Variants in MYLK observed in about 807,000 individuals in gnomAD.
MYLK encodes the protein myosin light chain kinase.
In MYLK, 106 loss-of-function variants were observed where a neutral mutation model predicts 203.4. The ratio of observed to expected loss-of-function variants is 0.52; its 90% confidence interval spans 0.45 to 0.61. MYLK has a LOEUF of 0.61. Among genes scored for constraint, MYLK ranks in the 20% least tolerant of loss-of-function variants. MYLK has a pLI of 0.00. For missense variants in MYLK, 2,072 were observed against 2,442.3 expected, an observed-to-expected ratio of 0.85 and a Z score of 3.20; for synonymous variants, 867 against 959.5, an observed-to-expected ratio of 0.90 and a Z score of 1.78.
chr3:123,682,216 G>A lies in MYLK; in HGVS notation c.3652+8C>T. On this transcript the variant is annotated splice_region_variant and intron_variant, in intron 20 of 33. Transcript: ENST00000360304. ...GCCTCTGCCTGGTGAAGCTGGGCGA[G>A]TACTCACTCTCAGTTCCTAGCACGG... 1 of 1,594,046 alleles carries A rather than the reference G, an allele frequency of 6.3e-7. No individual in the cohort carries two copies. Among genetic ancestry groups the A allele is most frequent in the Non-Finnish European group, 8.5e-7 (1 of 1,169,608 alleles).
In MYLK at chr3:123,732,944, A is replaced by G. The variant is rs1267816965; in HGVS notation, c.1468T>C (p.Ser490Pro). 6.2e-7 allele frequency: 1 copy of G among 1,614,160 alleles called. No individual in the cohort carries two copies. The highest frequency in any genetic ancestry group is 1.7e-5 in the Admixed American group (1 of 60,022). The change falls in exon 11 of 34, where the codon TCC becomes CCC. Residue 490 changes from serine (S) to proline (P), a missense_variant. Around this residue, in one of 3 missense-constraint regions of MYLK, gnomAD observed 683 missense variants for 643.8 expected, o/e 1.06. Coordinates refer to ENST00000360304, the MANE Select transcript of MYLK (RefSeq NM_053025.4). ...CAGGACAGCTGGCCTTGGGCGTTGGAAGCAGTGCAGCTGTATGTCCCACTG... is the reference window on the plus strand; with the variant it reads ...CAGGACAGCTGGCCTTGGGCGTTGGGAGCAGTGCAGCTGTATGTCCCACTG... ...RDSGTYSCTASNAQGQLSCSW... is the reference protein window; with the variant it reads ...RDSGTYSCTAPNAQGQLSCSW...
intron 3 of MYLK, among the ~76,000 whole-genome samples, chr3:123,814,398 A>G (rs1380585458): frequency 6.6e-6 from 1 of 152,190 alleles, no homozygotes; most frequent in Non-Finnish European, 1.5e-5. Flanking sequence ...GACTCTTTAC[A>G]GGAATGTTGA....
At chr3:123,848,254 G>GAAA (rs11409032) in intron 2 of MYLK, among the ~76,000 whole-genome samples, 2 of 144,962 alleles carry the variant, frequency 1.4e-5, no homozygotes. Context: ...GTCTTATTTT[G>GAAA]AAAAAAAAAA....
intron 2 of MYLK, among the ~76,000 whole-genome samples, chr3:123,869,969 CT>C (rs1490219867): frequency 6.7e-6 from 1 of 150,252 alleles, no homozygotes; most frequent in African/African-American, 2.4e-5. Flanking sequence ...ATGGCTCTAT[CT>C]AGTCCACACT....
intron 24 of MYLK, 139 bp from the exon 25 acceptor site, chr3:123,649,333 C>T (rs2059130453): frequency 1.8e-6 from 2 of 1,106,806 alleles, no homozygotes; most frequent in Non-Finnish European, 1.3e-6. Context: ...CTCTGGGCAT[C>T]CCCTGGGGCT....
chr3:123,688,968 G>A (rs930104616), intron 19 of MYLK, among the ~76,000 whole-genome samples: 3 of 152,164 alleles, frequency 2.0e-5, no homozygotes, highest in Non-Finnish European at 4.4e-5. Context: ...CACTAGAAAA[G>A]TCCCAAAAGC....
At chr3:123,792,434 G>T (rs1362298281) in intron 4 of MYLK, among the ~76,000 whole-genome samples, 2 of 152,110 alleles carry the variant, frequency 1.3e-5, no homozygotes, top group Non-Finnish European at 2.9e-5. Flanking sequence ...CCTATCAGCA[G>T]CCACTCCCCA....
chr3:123,683,630 CT>C, intron 19 of MYLK, among the ~76,000 whole-genome samples: 1 of 152,164 alleles, frequency 6.6e-6, no homozygotes, highest in African/African-American at 2.4e-5. Context: ...TAGTGCCTGC[CT>C]CCTCTCTGCT....
chr3:123,682,239 C>G lies in MYLK; in HGVS notation c.3637G>C (p.Val1213Leu), dbSNP rs368390254. 214 of 1,601,308 alleles carry G rather than the reference C, an allele frequency of 1.3e-4. No individual in the cohort carries two copies. The highest frequency in any genetic ancestry group is 1.8e-4 in the Non-Finnish European group (207 of 1,174,196). The change falls in exon 20 of 34, where the codon GTG becomes CTG. Residue 1213 changes from valine to leucine, a missense_variant. Coordinates refer to ENST00000360304, the MANE Select transcript of MYLK (RefSeq NM_053025.4). ...SRRPKSSLPP[V>L]LGTESDATVK... The stretch of plus-strand genomic sequence containing the variant: ...GAGTACTCACTCTCAGTTCCTAGCA[C>G]GGGAGGAAGAGAGCTCTTGGGCCTC...
chr3:123,839,600 G>T (rs988058908), intron 2 of MYLK, among the ~76,000 whole-genome samples: 2 of 152,110 alleles, frequency 1.3e-5, no homozygotes, highest in Non-Finnish European at 2.9e-5. Context: ...AGGAAAATCC[G>T]CAATTGTAGT....
intron 3 of MYLK, among the ~76,000 whole-genome samples, chr3:123,805,173 C>T (rs191654356): frequency 9.8e-4 from 149 of 152,244 alleles, no homozygotes; most frequent in African/African-American, 3.4e-3. Flanking sequence ...CAAATCCTTC[C>T]CCGTGTGACA....
intron 4 of MYLK, among the ~76,000 whole-genome samples, chr3:123,788,063 G>A (rs561636721): frequency 1.3e-5 from 2 of 152,262 alleles, no homozygotes; most frequent in Middle Eastern, 3.4e-3. Context: ...AACCATCCAA[G>A]GTTCCAGCGT....
intron 23 of MYLK, among the ~76,000 whole-genome samples, chr3:123,663,363 G>A (rs1415754459): frequency 6.6e-6 from 1 of 152,178 alleles, no homozygotes; most frequent in South Asian, 2.1e-4. Context: ...GGAGGTCATG[G>A]TGACCTCAGA....
At chr3:123,647,182 G>A in intron 27 of MYLK, 42 bp downstream of exon 27, 2 of 1,593,346 alleles carry the variant, frequency 1.3e-6, no homozygotes, top group South Asian at 1.1e-5. Context: ...CACGTTTGGG[G>A]GCTCCCTGTG....
At position 123,718,617 on chromosome 3, in the gene MYLK, T is replaced by C. The variant is rs545258597; in HGVS notation, c.1804+3511A>G. On this transcript the variant is annotated intron_variant, in intron 13 of 33. Transcript: ENST00000360304. ...CCTTGCACTTGCTGTGCTGCCCACC[T>C]AGAGCTCTCTTTCCCCAGGCCATGG... Among the ~76,000 whole-genome samples, 11 of 152,302 alleles carry C rather than the reference T, an allele frequency of 7.2e-5. No individual in the cohort carries two copies. In the South Asian group the frequency reaches 2.1e-3, roughly 29 times the overall value.
chr3:123,645,468 G>T (rs1470233327), intron 27 of MYLK, among the ~76,000 whole-genome samples: 1 of 152,170 alleles, frequency 6.6e-6, no homozygotes, highest in Non-Finnish European at 1.5e-5. Flanking sequence ...AACTTTCCTG[G>T]GAGAGAATTC....
chr3:123,620,166 CCTTT>C (rs760272590), intron 32 of MYLK, 37 bp downstream of exon 32: 27 of 1,566,914 alleles, frequency 1.7e-5, no homozygotes, highest in Non-Finnish European at 2.4e-5. Flanking sequence ...GTTCCCCAGC[CCTTT>C]CTTTCTCACC....
intron 2 of MYLK, among the ~76,000 whole-genome samples, chr3:123,857,155 T>C (rs1167940520): frequency 1.3e-5 from 2 of 151,928 alleles, no homozygotes; most frequent in Non-Finnish European, 2.9e-5. Flanking sequence ...CAACAGGTGC[T>C]GGAGAGGATG....
rs1281289990 is a variant in MYLK, at chr3:123,682,321, A to G, written c.3566-11T>C. The G allele has an allele frequency of 1.9e-6, 3 of 1,581,920 alleles. No individual in the cohort carries two copies. The highest frequency in any genetic ancestry group is 2.6e-6 in the Non-Finnish European group (3 of 1,160,548). ...CACTGGCTGGAGCATCTGGAATGAA[A>G]CAGGTAACAATAAATGTTAGCAGCT... is the stretch of plus-strand genomic sequence containing the variant. On this transcript the variant is annotated splice_polypyrimidine_tract_variant and intron_variant, in intron 19 of 33. Coordinates refer to ENST00000360304, the MANE Select transcript of MYLK (RefSeq NM_053025.4).
Sources: gnomAD v4.1 joint callset for allele counts (sites outside exome capture counted in the v4.1 genomes callset) on GRCh38, gnomAD v4.1.1 for gene constraint, gnomAD v4.1.1 regional missense constraint, MANE v1.5 for transcripts, NCBI Gene and HGNC (gene_info 2026-07-23, HGNC 2026-07-21) for gene names.